The following NRG3 variants were observed in gnomAD, a reference collection of about 807,000 sequenced individuals.
The protein encoded by NRG3 is pro-neuregulin-3, membrane-bound isoform.
In NRG3, 31 loss-of-function variants were observed where a neutral mutation model predicts 66.9. The observed-to-expected ratio is 0.46, with a 90% CI of 0.35 to 0.63. The LOEUF is 0.63. Among genes scored for constraint, NRG3 ranks in the 20% least tolerant of loss-of-function variants. The probability of loss-of-function intolerance (pLI) is 0.00; values close to 1 mark genes in which losing one functional copy is unlikely to be tolerated. For missense variants in NRG3, 910 were observed against 878.9 expected, an observed-to-expected ratio of 1.04 and a Z score of -0.45; for synonymous variants, 393 against 359.4, an observed-to-expected ratio of 1.09 and a Z score of -1.06.
intron 1 of NRG3, among the ~76,000 whole-genome samples, chr10:82,282,490 A>C (rs928025555): frequency 6.6e-6 from 1 of 152,044 alleles, no homozygotes; most frequent in African/African-American, 2.4e-5. Flanking sequence ...AAAGTTGTGT[A>C]ACACAGCAGT....
intron 2 of NRG3, among the ~76,000 whole-genome samples, chr10:82,376,358 A>G (rs1246765256): frequency 6.6e-6 from 1 of 152,204 alleles, no homozygotes; most frequent in Non-Finnish European, 1.5e-5. Flanking sequence ...CCTGGTTGAG[A>G]ATCCCTGCTC....
At chr10:82,529,679 G>A (rs565988030) in intron 2 of NRG3, among the ~76,000 whole-genome samples, 2 of 152,176 alleles carry the variant, frequency 1.3e-5, no homozygotes, top group African/African-American at 4.8e-5. Context: ...TCCTCCATGG[G>A]AACTGTAGTG....
chr10:82,450,897 T>A (rs112025695), intron 2 of NRG3, among the ~76,000 whole-genome samples: 180 of 152,320 alleles, frequency 1.2e-3, no homozygotes, highest in Non-Finnish European at 2.1e-3. Context: ...TTAGTGAGTG[T>A]TTCTCTCTGT....
intron 2 of NRG3, among the ~76,000 whole-genome samples, chr10:82,404,293 C>A (rs1158273108): frequency 6.6e-6 from 1 of 152,220 alleles, no homozygotes; most frequent in East Asian, 1.9e-4. Flanking sequence ...AAGGGTAGCA[C>A]GGTACTGTGC....
chr10:82,713,553 A>G (rs2056801589), intron 2 of NRG3, among the ~76,000 whole-genome samples: 1 of 152,226 alleles, frequency 6.6e-6, no homozygotes, highest in African/African-American at 2.4e-5. Context: ...TTTCCCTTAA[A>G]TGAGGACACT....
At chr10:82,471,828 G>A (rs920479789) in intron 2 of NRG3, among the ~76,000 whole-genome samples, 1 of 151,668 alleles carries the variant, frequency 6.6e-6, no homozygotes, top group Non-Finnish European at 1.5e-5. Context: ...GGCAGAGGTT[G>A]CAGTGAGCTG....
At chr10:82,065,923 G>A (rs1045453309) in intron 1 of NRG3, among the ~76,000 whole-genome samples, 4 of 152,032 alleles carry the variant, frequency 2.6e-5, no homozygotes, top group African/African-American at 9.7e-5. Flanking sequence ...TTTTATGTCA[G>A]GAACAAAACT....
At chr10:82,850,959 C>A (rs2063533782) in intron 3 of NRG3, among the ~76,000 whole-genome samples, 1 of 151,898 alleles carries the variant, frequency 6.6e-6, no homozygotes, top group Admixed American at 6.6e-5. Flanking sequence ...GAGTTTGAAT[C>A]CCAGCACTTT....
intron 1 of NRG3, among the ~76,000 whole-genome samples, chr10:81,886,767 T>A (rs1842645366): frequency 6.6e-6 from 1 of 152,156 alleles, no homozygotes; most frequent in Admixed American, 6.6e-5. Flanking sequence ...TTGTACTAAT[T>A]TTAAAGCTTT....
At chr10:82,078,608 C>A (rs1168720417) in intron 1 of NRG3, among the ~76,000 whole-genome samples, 1 of 152,162 alleles carries the variant, frequency 6.6e-6, no homozygotes, top group African/African-American at 2.4e-5. Context: ...CCTTGGCCTC[C>A]CAAAGTGCTG....
At position 81,875,483 on chromosome 10, in the gene NRG3, C is replaced by A; in HGVS notation, c.143C>A (p.Pro48His). Residue 48 changes from proline to histidine, a missense_variant, in exon 1 of 9, where the codon CCC becomes CAC. Pro to His is a moderately conservative substitution (Grantham distance 77). Coordinates refer to ENST00000372141, the MANE Select transcript of NRG3 (RefSeq NM_001010848.4). This position sits in a 1 kb window ranked among gnomAD's most constrained non-coding sequence, Gnocchi z 5.3. Reference protein sequence around the residue: ...PDGGGEGAAEPPRELRCSDCI... With the variant: ...PDGGGEGAAEHPRELRCSDCI... The stretch of plus-strand genomic sequence containing the variant: ...GGCGGCGGCGAAGGGGCGGCCGAGC[C>A]CCCCCGGGAGTTACGCTGTAGCGAC... 1 of 1,368,614 alleles carries A rather than the reference C, an allele frequency of 7.3e-7. No homozygotes were observed. The highest frequency in any genetic ancestry group is 9.5e-7 in the Non-Finnish European group (1 of 1,050,032). The allele number at this position is 1,368,614 out of a possible 1,614,324, so 84.8% of individuals were successfully genotyped here.
chr10:81,991,724 T>C (rs941404308), intron 1 of NRG3, among the ~76,000 whole-genome samples: 1 of 152,158 alleles, frequency 6.6e-6, no homozygotes, highest in Non-Finnish European at 1.5e-5. Context: ...TGCTATTTGA[T>C]GATATTTAAT....
chr10:81,898,171 A>G (rs891111293), intron 1 of NRG3, among the ~76,000 whole-genome samples: 2 of 152,216 alleles, frequency 1.3e-5, no homozygotes, highest in African/African-American at 2.4e-5. Flanking sequence ...ACCTCAGTGC[A>G]ACCTCACACT....
chr10:82,326,360 G>C (rs1351981360), intron 1 of NRG3, among the ~76,000 whole-genome samples: 2 of 151,946 alleles, frequency 1.3e-5, no homozygotes, highest in African/African-American at 4.8e-5. Context: ...GCTGTAAAAA[G>C]TTTATTATGA....
At chr10:82,515,808 T>C (rs1226256124) in intron 2 of NRG3, among the ~76,000 whole-genome samples, 2 of 152,160 alleles carry the variant, frequency 1.3e-5, no homozygotes, top group Non-Finnish European at 2.9e-5. Flanking sequence ...TGGAAGTTTA[T>C]AGTATCCCCA....
chr10:81,997,220 G>A (rs535780711), intron 1 of NRG3, among the ~76,000 whole-genome samples: 1 of 152,170 alleles, frequency 6.6e-6, no homozygotes. Flanking sequence ...GTGATATGGT[G>A]CCTCTCTAAC....
At position 82,886,802 on chromosome 10, in the gene NRG3, T is replaced by C. The variant is rs191188065; in HGVS notation, c.1054+21365T>C. ...TAGCTATCTGCTACTAGGCATAGTC[T>C]TATCATTTCACCTTTACTGCTTTTG... On this transcript the variant is annotated intron_variant, in intron 4 of 8. Transcript: ENST00000372141. Among the ~76,000 whole-genome samples, 32 of 152,354 alleles carry C rather than the reference T, an allele frequency of 2.1e-4. 1 individual carries two copies. Among genetic ancestry groups the C allele is most frequent in the Admixed American group, 8.5e-4 (13 of 15,296 alleles).
At chr10:82,698,814 T>C (rs998289246) in intron 2 of NRG3, among the ~76,000 whole-genome samples, 7 of 152,176 alleles carry the variant, frequency 4.6e-5, no homozygotes, top group African/African-American at 1.7e-4. Context: ...TCAGTACTGC[T>C]TCTAATAGTA....
At chr10:81,960,337 ATGT>A (rs1056370298) in intron 1 of NRG3, among the ~76,000 whole-genome samples, 6 of 152,118 alleles carry the variant, frequency 3.9e-5, no homozygotes, top group Admixed American at 2.6e-4. Flanking sequence ...AAATTTTTTA[ATGT>A]TGTGGCCTTT....
Sources: allele counts gnomAD v4.1 joint callset (sites outside exome capture counted in the v4.1 genomes callset), GRCh38; gene constraint gnomAD v4.1.1; non-coding constraint Gnocchi (gnomAD v3.1); transcripts MANE v1.5; gene names NCBI Gene and HGNC (gene_info 2026-07-23, HGNC 2026-07-21).